The following SHANK1 variants were observed in gnomAD, a reference collection of about 807,000 sequenced individuals.
SHANK1 encodes SH3 and multiple ankyrin repeat domains protein 1.
SHANK1 carries 35 observed loss-of-function variants against 165.6 expected under a neutral mutation model. That is an observed-to-expected ratio of 0.21 (90% CI 0.16 to 0.28). SHANK1 has a LOEUF of 0.28. Ranked by LOEUF, SHANK1 falls within the 10% of genes least tolerant of loss-of-function variation. SHANK1 has a pLI of 1.00. For missense variants in SHANK1, 2,681 were observed against 3,036.4 expected (o/e 0.88, Z 2.75); for synonymous variants, 1,428 against 1,384.8 (o/e 1.03, Z -0.69).
At position 50,667,437 on chromosome 19, in the gene SHANK1, CT is replaced by C; in HGVS notation, c.4522del (p.Arg1508GlyfsTer117). The C allele has an allele frequency of 6.6e-7, 1 of 1,526,370 alleles. No homozygotes were observed. Among genetic ancestry groups the C allele is most frequent in the Non-Finnish European group, 8.7e-7 (1 of 1,145,204 alleles). 94.6% of individuals were successfully genotyped at this position (1,526,370 alleles called of 1,614,324 possible). A position where few individuals can be genotyped will look rare whatever the true frequency, so the allele number is the denominator to read the frequency against. ...CGGCCCGTCCTCCGAGGGGGGACCC[CT>C]TCCGCTCGTCACAGGGGCCCGGGGC... Reference protein sequence around the residue: ...CQPRAPVTSGRGPPSEDGPGV... With the variant: ...CQPRAPVTSGXGPPSEDGPGV... On this transcript the variant is annotated frameshift_variant, in exon 23 of 24. Transcript: ENST00000293441. LOFTEE classifies it high-confidence loss of function. This position sits in a 1 kb window ranked among gnomAD's most constrained non-coding sequence, Gnocchi z 5.7.
chr19:50,668,778 G>A lies in SHANK1; in HGVS notation c.3182C>T (p.Ala1061Val). ...RGGGPSPTPG[A>V]PSPSHHGSAG... Reference sequence around the variant, plus strand: ...GCTGCCGTGGTGCGATGGGGACGGGGCCCCCGGGGTCGGGCTGGGCCCGCC... The same window carrying A: ...GCTGCCGTGGTGCGATGGGGACGGGACCCCCGGGGTCGGGCTGGGCCCGCC... The change falls in exon 23 of 24, where the codon GCC becomes GTC. Residue 1061 changes from alanine (A) to valine (V), a missense_variant. Around this residue, in one of 10 missense-constraint regions of SHANK1, gnomAD observed 1,713 missense variants for 1,630.2 expected, o/e 1.05. Transcript: ENST00000293441. 1 of 1,271,384 alleles carries A rather than the reference G, an allele frequency of 7.9e-7. No individual in the cohort carries two copies. The highest frequency in any genetic ancestry group is 9.9e-7 in the Non-Finnish European group (1 of 1,014,620). 78.8% of individuals were successfully genotyped at this position (1,271,384 alleles called of 1,614,324 possible).
intron 12 of SHANK1, among the ~76,000 whole-genome samples, chr19:50,700,192 A>G (rs183327531): frequency 1.0e-3 from 78 of 76,936 alleles, no homozygotes; most frequent in Non-Finnish European, 1.3e-3. Flanking sequence ...GGGCATTGGG[A>G]GATTGGAGGA....
In SHANK1 at chr19:50,718,957, G is replaced by A. The variant is rs1010978039; in HGVS notation, c.-44+449C>T. Among the ~76,000 whole-genome samples the A allele has an allele frequency of 1.3e-5, 2 of 152,030 alleles. No homozygotes were observed. Among genetic ancestry groups the A allele is most frequent in the African/African-American group, 4.8e-5 (2 of 41,496 alleles). ...TGGAGGAGCCTGGAAGGAGAAGCGG[G>A]AGCTGGAGGGGTCGAAAGGGGCGGA... On this transcript the variant is annotated intron_variant, in intron 1 of 23. Transcript: ENST00000293441. This position sits in a 1 kb window ranked among gnomAD's most constrained non-coding sequence, Gnocchi z 5.1.
At chr19:50,689,803 G>A (rs1045103617) in intron 15 of SHANK1, among the ~76,000 whole-genome samples, 1 of 152,136 alleles carries the variant, frequency 6.6e-6, no homozygotes, top group African/African-American at 2.4e-5. Flanking sequence ...TCTGCTCGAT[G>A]TCCTTAGGTC....
At position 50,660,041 on chromosome 19, in the gene SHANK1, C is replaced by G. The variant is rs1568422976; in HGVS notation, c.*1924G>C. 6.6e-6 allele frequency among the ~76,000 whole-genome samples: 1 copy of G among 151,232 alleles called. No individual in the cohort carries two copies. Among genetic ancestry groups the G allele is most frequent in the Non-Finnish European group, 1.5e-5 (1 of 67,678 alleles). On this transcript the variant is annotated 3_prime_UTR_variant, in exon 24 of 24. Coordinates refer to ENST00000293441, the MANE Select transcript of SHANK1 (RefSeq NM_016148.5). Reference sequence around the variant, plus strand: ...CCCCTCATGGACGGAGCGCCCCCCCCTCTCGGGGGTAGGGGGCAGCAGAGG... The same window carrying G: ...CCCCTCATGGACGGAGCGCCCCCCCGTCTCGGGGGTAGGGGGCAGCAGAGG...
chr19:50,699,635 G>A (rs925360617), intron 12 of SHANK1, among the ~76,000 whole-genome samples: 2 of 152,274 alleles, frequency 1.3e-5, no homozygotes, highest in South Asian at 4.1e-4. Context: ...GGAGGGGTTG[G>A]TATATCGGAG....
Position 50,717,052 on chromosome 19 carries a change from G to T in SHANK1, c.-43-90C>A. The T allele has an allele frequency of 8.8e-7, 1 of 1,130,210 alleles. No individual in the cohort carries two copies. The highest frequency in any genetic ancestry group is 1.2e-6 in the Non-Finnish European group (1 of 859,360). The allele number at this position is 1,130,210 out of a possible 1,614,324, so 70.0% of individuals were successfully genotyped here. A position where few individuals can be genotyped will look rare whatever the true frequency, so the allele number is the denominator to read the frequency against. ...TTCGGTGGTCAAGCGGTCAAGGGCA[G>T]CCTACCCCCACTGCCCAAGATAGGC... is the stretch of plus-strand genomic sequence containing the variant. On this transcript the variant is annotated intron_variant, in intron 1 of 23. Coordinates refer to ENST00000293441, the MANE Select transcript of SHANK1 (RefSeq NM_016148.5). The surrounding 1 kb of genome is among the most constrained non-coding windows in gnomAD (Gnocchi z 5.5).
chr19:50,717,800 G>A lies in SHANK1; in HGVS notation c.-43-838C>T, dbSNP rs1029912982. 3.9e-5 allele frequency among the ~76,000 whole-genome samples: 6 copies of A among 152,038 alleles called. No homozygotes were observed. The highest frequency in any genetic ancestry group is 1.5e-4 in the African/African-American group (6 of 41,372). On this transcript the variant is annotated intron_variant, in intron 1 of 23. Coordinates refer to ENST00000293441, the MANE Select transcript of SHANK1 (RefSeq NM_016148.5). The surrounding 1 kb of genome is among the most constrained non-coding windows in gnomAD (Gnocchi z 5.5). ...CTTTTCTAGGACTGCAGGGTGGGTGGGCTGGCTTGCTGGGTACTAGGGGCT... is the reference window on the plus strand; with the variant it reads ...CTTTTCTAGGACTGCAGGGTGGGTGAGCTGGCTTGCTGGGTACTAGGGGCT...
chr19:50,667,032 C>G lies in SHANK1; in HGVS notation c.4928G>C (p.Gly1643Ala). The change falls in exon 23 of 24, where the codon GGG (glycine) becomes GCG (alanine). Residue 1643 changes from glycine (G) to alanine (A), a missense_variant. Gly to Ala is a moderately conservative substitution (Grantham distance 60). This residue lies in a region of SHANK1 where 1,713 missense variants were observed against 1,630.2 expected (regional missense o/e 1.05). Transcript: ENST00000293441. The surrounding 1 kb of genome is among the most constrained non-coding windows in gnomAD (Gnocchi z 5.7). Reference protein sequence around the residue: ...TLTQGASAAPGDPHPPGPPAP... With the variant: ...TLTQGASAAPADPHPPGPPAP... Reference sequence around the variant, plus strand: ...AGGCGGGCCTGGTGGATGGGGGTCCCCAGGAGCGGCGGAGGCCCCCTGGGT... The same window carrying G: ...AGGCGGGCCTGGTGGATGGGGGTCCGCAGGAGCGGCGGAGGCCCCCTGGGT... 6 of 1,547,988 alleles carry G rather than the reference C, an allele frequency of 3.9e-6. No homozygotes were observed. Among genetic ancestry groups the G allele is most frequent in the Non-Finnish European group, 5.2e-6 (6 of 1,150,754 alleles).
chr19:50,671,877 A>C lies in SHANK1; in HGVS notation c.2674+141T>G. The C allele has an allele frequency of 4.6e-6, 3 of 655,474 alleles. No homozygotes were observed. In the Admixed American group the frequency reaches 7.9e-5, roughly 17 times the overall value. The allele number at this position is 655,474 out of a possible 1,614,324, so 40.6% of individuals were successfully genotyped here. On this transcript the variant is annotated intron_variant, in intron 22 of 23. Transcript: ENST00000293441. ...TTCATGGCCAAGTTCACCCATTTCC[A>C]AAGCCTGAACTCTTAACCCAATTTG... is the stretch of plus-strand genomic sequence containing the variant.
chr19:50,687,754 G>T, intron 18 of SHANK1, 92 bp from the exon 19 acceptor site: 1 of 1,350,466 alleles, frequency 7.4e-7, no homozygotes, highest in Non-Finnish European at 1.0e-6. Flanking sequence ...TCAGAGAATA[G>T]CCATTGCCAG....
rs1271236780 is a variant in SHANK1 at position 50,668,850 on chromosome 19, G to A, written c.3110C>T (p.Pro1037Leu). ...ETGGSPDDPPPRLALGPQPSL... is the reference protein window; with the variant it reads ...ETGGSPDDPPLRLALGPQPSL... ...GGGCTGGGGCCCCAGAGCCAGGCGG[G>A]GTGGAGGGTCGTCGGGAGAGCCGCC... is the stretch of plus-strand genomic sequence containing the variant. Residue 1037 changes from proline (P) to leucine (L), a missense_variant, in exon 23 of 24, where the codon CCC becomes CTC. Pro to Leu is a moderately conservative substitution (Grantham distance 98, BLOSUM62 -3). This residue lies in a region of SHANK1 where 1,713 missense variants were observed against 1,630.2 expected (regional missense o/e 1.05). Coordinates refer to ENST00000293441, the MANE Select transcript of SHANK1 (RefSeq NM_016148.5). The A allele has an allele frequency of 2.3e-6, 3 of 1,287,060 alleles. No individual in the cohort carries two copies. Among genetic ancestry groups the A allele is most frequent in the Non-Finnish European group, 2.0e-6 (2 of 1,023,016 alleles). The allele number at this position is 1,287,060 out of a possible 1,614,324, so 79.7% of individuals were successfully genotyped here.
Position 50,688,993 on chromosome 19 carries a change from G to T in SHANK1, c.2048-25C>A. ...GCTGCAGACAGGGAGGAGCCGGCGGGGTCGGAGGGGAGGGGGTGGAGAGGC... is the reference window on the plus strand; with the variant it reads ...GCTGCAGACAGGGAGGAGCCGGCGGTGTCGGAGGGGAGGGGGTGGAGAGGC... On this transcript the variant is annotated intron_variant, in intron 16 of 23. Coordinates refer to ENST00000293441, the MANE Select transcript of SHANK1 (RefSeq NM_016148.5). The surrounding 1 kb of genome is among the most constrained non-coding windows in gnomAD (Gnocchi z 6.7). The T allele has an allele frequency of 6.6e-7, 1 of 1,509,642 alleles. No homozygotes were observed. Among genetic ancestry groups the T allele is most frequent in the Non-Finnish European group, 9.0e-7 (1 of 1,112,054 alleles). The allele number at this position is 1,509,642 out of a possible 1,614,324, so 93.5% of individuals were successfully genotyped here.
rs1055596189 is a variant in SHANK1, at chr19:50,661,587, C to T, written c.*378G>A. On this transcript the variant is annotated 3_prime_UTR_variant, in exon 24 of 24. Transcript: ENST00000293441. ...GCAGGTGGTGGAATCCGAGGGCACC[C>T]CCTTCCCCTGCGGCCTGGGGGACAG... is the stretch of plus-strand genomic sequence containing the variant. 6.6e-6 allele frequency among the ~76,000 whole-genome samples: 1 copy of T among 151,960 alleles called. No homozygotes were observed. The highest frequency in any genetic ancestry group is 2.4e-5 in the African/African-American group (1 of 41,348).
intron 19 of SHANK1, 135 bp downstream of exon 19, chr19:50,687,447 T>G (rs2123131742): frequency 1.5e-6 from 1 of 649,830 alleles, no homozygotes; most frequent in East Asian, 3.0e-5. Context: ...CAGGCCAGAG[T>G]CCGACCCATG....
chr19:50,694,665 G>T (rs951869617), intron 15 of SHANK1, among the ~76,000 whole-genome samples: 38 of 148,748 alleles, frequency 2.6e-4, no homozygotes, highest in African/African-American at 7.9e-4. Context: ...TGCGTATTAG[G>T]GGGGAGGGTC....
At chr19:50,695,148 C>T (rs1462617728) in intron 15 of SHANK1, among the ~76,000 whole-genome samples, 1 of 146,484 alleles carries the variant, frequency 6.8e-6, no homozygotes, top group East Asian at 2.0e-4. Flanking sequence ...TGTCCGGGCC[C>T]CCAGGCCCCG....
rs1985644680 is a variant in SHANK1, at chr19:50,668,351, G to A, written c.3609C>T (p.Ala1203=). ...AGGGGGACGGGGGCACGGGTGACAT[G>A]GCCGGGGCGGGGCTGGGCGAGGAGC... ...GGGSSPSPAP[A]MSPVPPSPSP... The change falls in exon 23 of 24, where the codon GCC becomes GCT. Residue 1203 remains alanine, a synonymous_variant. Transcript: ENST00000293441. 3 of 1,261,190 alleles carry A rather than the reference G, an allele frequency of 2.4e-6. No individual in the cohort carries two copies. Among genetic ancestry groups the A allele is most frequent in the Non-Finnish European group, 3.0e-6 (3 of 1,004,178 alleles). 78.1% of individuals were successfully genotyped at this position (1,261,190 alleles called of 1,614,324 possible).
chr19:50,667,360 G>T lies in SHANK1; in HGVS notation c.4600C>A (p.Pro1534Thr). 6.5e-7 allele frequency: 1 copy of T among 1,540,320 alleles called. No individual in the cohort carries two copies. Among genetic ancestry groups the T allele is most frequent in the Non-Finnish European group, 8.7e-7 (1 of 1,147,912 alleles). Reference sequence around the variant, plus strand: ...AGCCCGTTCTCTTCGCTGGCCCTCGGGGAGGTCGGGGAGGGGGGCACGGAC... The same window carrying T: ...AGCCCGTTCTCTTCGCTGGCCCTCGTGGAGGTCGGGGAGGGGGGCACGGAC... ...RRSVPPSPTS[P>T]RASEENGLPL... The change falls in exon 23 of 24, where the codon CCG becomes ACG. Residue 1534 changes from proline (P) to threonine (T), a missense_variant. Pro to Thr is a conservative substitution (Grantham distance 38). This residue lies in a region of SHANK1 where 1,713 missense variants were observed against 1,630.2 expected (regional missense o/e 1.05). Transcript: ENST00000293441. The surrounding 1 kb of genome is among the most constrained non-coding windows in gnomAD (Gnocchi z 5.7).
Sources: allele counts gnomAD v4.1 joint callset (sites outside exome capture counted in the v4.1 genomes callset), GRCh38; gene constraint gnomAD v4.1.1; regional missense constraint gnomAD v4.1.1; non-coding constraint Gnocchi (gnomAD v3.1); transcripts MANE v1.5; gene names NCBI Gene and HGNC (gene_info 2026-07-23, HGNC 2026-07-21).